MLLT10: variants seen among roughly 807,000 people sequenced by gnomAD.
The protein encoded by MLLT10 is MLLT10 histone lysine methyltransferase DOT1L cofactor.
MLLT10 carries 30 observed loss-of-function variants against 129.1 expected under a neutral mutation model. The observed-to-expected ratio is 0.23, with a 90% CI of 0.17 to 0.32. The LOEUF (loss-of-function observed/expected upper bound fraction) is 0.32. Ranked by LOEUF, MLLT10 falls within the 10% of genes least tolerant of loss-of-function variation. The pLI, the probability that MLLT10 is intolerant of heterozygous loss-of-function variation, is 1.00. For synonymous variants in MLLT10, 490 were observed against 446.4 expected (o/e 1.10, Z -1.23); for missense variants, 1,119 against 1,268.3 (o/e 0.88, Z 1.79).
At chr10:21,655,522 GA>G (rs1315572898) in intron 9 of MLLT10, among the ~76,000 whole-genome samples, 2 of 149,210 alleles carry the variant, frequency 1.3e-5, no homozygotes, top group South Asian at 2.1e-4. Flanking sequence ...GTCTTCTTTT[GA>G]TTTTTTTTTA....
chr10:21,560,684 G>A (rs1285191503), intron 3 of MLLT10, among the ~76,000 whole-genome samples: 1 of 152,136 alleles, frequency 6.6e-6, no homozygotes, highest in Non-Finnish European at 1.5e-5. Flanking sequence ...CTGGACTCAA[G>A]CAATTCTCCT....
chr10:21,684,532 G>A (rs1460797457), intron 13 of MLLT10, among the ~76,000 whole-genome samples: 1 of 151,972 alleles, frequency 6.6e-6, no homozygotes, highest in East Asian at 1.9e-4. Context: ...TTATTGATCA[G>A]TTTAACTTCT....
In MLLT10 at chr10:21,622,449, G is replaced by C. The variant is rs2045980775; in HGVS notation, c.699+5242G>C. 2.0e-5 allele frequency among the ~76,000 whole-genome samples: 3 copies of C among 151,786 alleles called. 1 individual carries two copies. The South Asian group carries it at 6.2e-4, about 32-fold the overall frequency. ...CAAAGTGCTGGGATTACAGGCGTTA[G>C]CCACCACCCAGGCTGATTAAAGGAT... On this transcript the variant is annotated intron_variant, in intron 8 of 22. Coordinates refer to ENST00000307729, the MANE Select transcript of MLLT10 (RefSeq NM_001195626.3).
At chr10:21,656,497 C>G (rs1045286586) in intron 9 of MLLT10, among the ~76,000 whole-genome samples, 1 of 152,068 alleles carries the variant, frequency 6.6e-6, no homozygotes, top group Admixed American at 6.6e-5. Flanking sequence ...ACAGTTTTAA[C>G]CTTAGTTTAC....
chr10:21,682,742 T>C (rs1218313168), intron 13 of MLLT10, among the ~76,000 whole-genome samples: 1 of 152,238 alleles, frequency 6.6e-6, no homozygotes, highest in African/African-American at 2.4e-5. Flanking sequence ...CCAGGTTTTT[T>C]ACAGTGGAGT....
chr10:21,610,462 C>G (rs904411493), intron 5 of MLLT10, among the ~76,000 whole-genome samples: 1 of 152,080 alleles, frequency 6.6e-6, no homozygotes, highest in African/African-American at 2.4e-5. Flanking sequence ...GCTATAGACT[C>G]TTAGTGTCAT....
chr10:21,700,752 G>T (rs1435314189), intron 13 of MLLT10, among the ~76,000 whole-genome samples: 1 of 152,104 alleles, frequency 6.6e-6, no homozygotes, highest in Non-Finnish European at 1.5e-5. Flanking sequence ...CTAGCATTTT[G>T]TTGGGGATTT....
At chr10:21,637,699 A>G (rs1268446014) in intron 8 of MLLT10, among the ~76,000 whole-genome samples, 2 of 152,156 alleles carry the variant, frequency 1.3e-5, no homozygotes, top group East Asian at 3.9e-4. Flanking sequence ...CTTCAGACAT[A>G]TTGGAGGGCT....
At chr10:21,640,045 C>G (rs61850057) in intron 8 of MLLT10, among the ~76,000 whole-genome samples, 12 of 151,482 alleles carry the variant, frequency 7.9e-5, no homozygotes, top group Non-Finnish European at 1.6e-4. Context: ...GAACCAAGGA[C>G]AAAAGGCCAA....
chr10:21,567,976 C>T (rs550021505), intron 3 of MLLT10, among the ~76,000 whole-genome samples: 12 of 152,014 alleles, frequency 7.9e-5, no homozygotes, highest in Admixed American at 2.0e-4. Flanking sequence ...CCTTCCAACA[C>T]GCCCGGGTAA....
chr10:21,667,245 T>G (rs970015212), intron 9 of MLLT10, among the ~76,000 whole-genome samples: 1 of 152,070 alleles, frequency 6.6e-6, no homozygotes, highest in Admixed American at 6.5e-5. Context: ...GCCTGGTTTC[T>G]TGTAACATTT....
At chr10:21,573,712 A>G (rs890346107) in intron 3 of MLLT10, among the ~76,000 whole-genome samples, 3 of 151,690 alleles carry the variant, frequency 2.0e-5, no homozygotes, top group African/African-American at 7.3e-5. Context: ...GATTACAGGC[A>G]CGTGCCACCA....
rs747898823 is a variant in MLLT10, at chr10:21,733,907, C to G, written c.2636C>G (p.Ala879Gly). 10 of 1,614,152 alleles carry G rather than the reference C, an allele frequency of 6.2e-6. No homozygotes were observed. The South Asian group carries it at 1.1e-4, about 18-fold the overall frequency. ...QVNGVTVGAL[A>G]SGMQPVTSTI... ...AATGGCGTGACAGTGGGGGCACTAGCTAGTGGAATGCAGCCTGTAACTTCC... is the reference window on the plus strand; with the variant it reads ...AATGGCGTGACAGTGGGGGCACTAGGTAGTGGAATGCAGCCTGTAACTTCC... Residue 879 changes from alanine to glycine, a missense_variant, in exon 20 of 23, where the codon GCT becomes GGT. By Grantham distance (60) the Ala-to-Gly change is moderately conservative. This residue lies in a region of MLLT10 where 1,004 missense variants were observed against 1,008.7 expected (regional missense o/e 1.00). Coordinates refer to ENST00000307729, the MANE Select transcript of MLLT10 (RefSeq NM_001195626.3).
intron 2 of MLLT10, among the ~76,000 whole-genome samples, chr10:21,536,679 C>T (rs1429204524): frequency 6.6e-6 from 1 of 152,124 alleles, no homozygotes; most frequent in Non-Finnish European, 1.5e-5. Context: ...GCCATCTTCC[C>T]ACTTCAGCCT....
At chr10:21,719,437 T>C (rs2056979730) in intron 14 of MLLT10, among the ~76,000 whole-genome samples, 2 of 152,244 alleles carry the variant, frequency 1.3e-5, no homozygotes, top group Admixed American at 6.5e-5. Flanking sequence ...GTCACATATC[T>C]GTAAGTCTGG....
intron 13 of MLLT10, chr10:21,708,572 G>T: frequency 1.4e-5 from 13 of 903,178 alleles, no homozygotes; most frequent in South Asian, 5.1e-5. Context: ...TTGTGTGTGT[G>T]TTTTTTTTTT....
At chr10:21,552,154 G>A (rs1446737006) in intron 3 of MLLT10, among the ~76,000 whole-genome samples, 1 of 152,050 alleles carries the variant, frequency 6.6e-6, no homozygotes, top group Non-Finnish European at 1.5e-5. Context: ...TCGATCTCCT[G>A]GGTTCAAGGG....
At chr10:21,653,286 GC>G (rs2049234683) in intron 9 of MLLT10, among the ~76,000 whole-genome samples, 1 of 152,142 alleles carries the variant, frequency 6.6e-6, no homozygotes, top group African/African-American at 2.4e-5. Flanking sequence ...GAATGAATCT[GC>G]TTATATGCTT....
At chr10:21,574,699 A>C (rs1330070326) in intron 3 of MLLT10, among the ~76,000 whole-genome samples, 2 of 152,164 alleles carry the variant, frequency 1.3e-5, no homozygotes, top group Non-Finnish European at 2.9e-5. Flanking sequence ...TTTTTAGACT[A>C]TATAGGGTAA....
Sources: gnomAD v4.1 joint callset for allele counts (sites outside exome capture counted in the v4.1 genomes callset) on GRCh38, gnomAD v4.1.1 for gene constraint, gnomAD v4.1.1 regional missense constraint, MANE v1.5 for transcripts, NCBI Gene and HGNC (gene_info 2026-07-23, HGNC 2026-07-21) for gene names.